Variants in SOX5 observed in about 807,000 individuals in gnomAD.
SOX5 encodes the protein SRY-box transcription factor 5.
SOX5 carries 9 observed loss-of-function variants against 92.0 expected under a neutral mutation model. The observed-to-expected ratio is 0.10, with a 90% CI of 0.06 to 0.17. The LOEUF is 0.17. SOX5 is among the 10% of genes least tolerant of loss of function. The pLI is 1.00. For missense variants in SOX5, 642 were observed against 944.5 expected (o/e 0.68, Z 4.20); for synonymous variants, 344 against 336.3 (o/e 1.02, Z -0.25).
At chr12:24,542,296 G>C (rs544163936) in intron 1 of SOX5, among the ~76,000 whole-genome samples, 13 of 152,236 alleles carry the variant, frequency 8.5e-5, no homozygotes, top group African/African-American at 2.6e-4. Context: ...TCTCCACCTA[G>C]TTGGCCCTTA....
chr12:24,249,836 C>G (rs1416437007), intron 3 of SOX5, among the ~76,000 whole-genome samples: 1 of 152,210 alleles, frequency 6.6e-6, no homozygotes, highest in East Asian at 1.9e-4. Flanking sequence ...ATATTTCACT[C>G]AATACTTTAA....
intron 2 of SOX5, among the ~76,000 whole-genome samples, chr12:24,330,333 GA>G (rs771989312): frequency 1.3e-5 from 2 of 152,004 alleles, no homozygotes; most frequent in Non-Finnish European, 2.9e-5. Flanking sequence ...ATACCTAAAA[GA>G]AATGTTCAAG....
chr12:24,206,345 T>C (rs1186732732), intron 4 of SOX5, among the ~76,000 whole-genome samples: 2 of 152,232 alleles, frequency 1.3e-5, no homozygotes, highest in Non-Finnish European at 2.9e-5. Context: ...AGACTGCTAA[T>C]GGCAGGGCGT....
chr12:24,337,367 GT>G (rs914740375), intron 2 of SOX5, among the ~76,000 whole-genome samples: 28 of 148,652 alleles, frequency 1.9e-4, no homozygotes, highest in African/African-American at 7.0e-4. Flanking sequence ...GAGAGAGAGA[GT>G]TTCACTCTGT....
At chr12:24,521,061 T>C (rs1033040395) in intron 1 of SOX5, among the ~76,000 whole-genome samples, 1 of 152,334 alleles carries the variant, frequency 6.6e-6, no homozygotes, top group Admixed American at 6.5e-5. Flanking sequence ...GTAGAATTTT[T>C]TTTTTCTTTG....
chr12:23,954,594 G>A (rs1161562662), upstream of SOX5, among the ~76,000 whole-genome samples: 1 of 151,884 alleles, frequency 6.6e-6, no homozygotes, highest in Admixed American at 6.6e-5. Flanking sequence ...TGTAATAGTG[G>A]ACTTCTTCAA....
chr12:23,996,258 A>T (rs1452032983), intron 4 of SOX5, among the ~76,000 whole-genome samples: 1 of 152,228 alleles, frequency 6.6e-6, no homozygotes, highest in Admixed American at 6.5e-5. Context: ...GTTATTAGTC[A>T]TTAGGGAAAT....
intron 1 of SOX5, among the ~76,000 whole-genome samples, chr12:24,523,681 T>C (rs1950447365): frequency 1.3e-5 from 2 of 152,148 alleles, no homozygotes; most frequent in African/African-American, 2.4e-5. Context: ...GAAAACTGGA[T>C]ATTCATAGGC....
intron 2 of SOX5, among the ~76,000 whole-genome samples, chr12:24,291,542 T>A (rs182722244): frequency 7.2e-5 from 11 of 152,218 alleles, no homozygotes; most frequent in African/African-American, 2.4e-4. Context: ...ATAAATCTGC[T>A]AATGTTCATC....
intron 1 of SOX5, among the ~76,000 whole-genome samples, chr12:24,475,887 C>T (rs971244865): frequency 4.6e-5 from 7 of 151,512 alleles, no homozygotes; most frequent in African/African-American, 1.5e-4. Context: ...GAAGCTGAGG[C>T]GGGAAGATCG....
At chr12:23,579,439 A>T (rs1172599865) in intron 9 of SOX5, among the ~76,000 whole-genome samples, 1 of 152,170 alleles carries the variant, frequency 6.6e-6, no homozygotes, top group Non-Finnish European at 1.5e-5. Context: ...TTGACCCATT[A>T]TATGATATTA....
At chr12:24,202,737 T>G (rs1455998375) in intron 4 of SOX5, among the ~76,000 whole-genome samples, 1 of 152,232 alleles carries the variant, frequency 6.6e-6, no homozygotes, top group Admixed American at 6.5e-5. Flanking sequence ...ATTCATGTTA[T>G]GCACTTTTGG....
At chr12:24,020,170 A>G (rs1005531080) in intron 4 of SOX5, among the ~76,000 whole-genome samples, 1 of 152,202 alleles carries the variant, frequency 6.6e-6, no homozygotes, top group Non-Finnish European at 1.5e-5. Flanking sequence ...ACCAAACTCT[A>G]TACAATATGT....
intron 8 of SOX5, among the ~76,000 whole-genome samples, chr12:23,630,841 T>A (rs7307704): frequency 6.6e-6 from 1 of 152,086 alleles, no homozygotes; most frequent in South Asian, 2.1e-4. Flanking sequence ...TATGTTATAC[T>A]GCCTCTCACT....
At chr12:23,703,653 T>G (rs551851075) in intron 6 of SOX5, among the ~76,000 whole-genome samples, 2 of 151,510 alleles carry the variant, frequency 1.3e-5, no homozygotes, top group South Asian at 4.2e-4. Context: ...CAGAATAAAT[T>G]AGGGATAGAC....
intron 4 of SOX5, among the ~76,000 whole-genome samples, chr12:24,053,543 T>C (rs1281037825): frequency 6.6e-6 from 1 of 152,228 alleles, no homozygotes; most frequent in Non-Finnish European, 1.5e-5. Context: ...GAAGAGATCC[T>C]TAACTTTGCC....
At chr12:23,619,517 C>T (rs918882169) in intron 8 of SOX5, among the ~76,000 whole-genome samples, 9 of 152,120 alleles carry the variant, frequency 5.9e-5, no homozygotes, top group African/African-American at 2.2e-4. Flanking sequence ...AACTCTTAGC[C>T]TATGTCTTAG....
At chr12:24,021,678 G>A (rs1954308656) in intron 4 of SOX5, among the ~76,000 whole-genome samples, 1 of 152,072 alleles carries the variant, frequency 6.6e-6, no homozygotes, top group Non-Finnish European at 1.5e-5. Flanking sequence ...GGTATCTTAC[G>A]ATAATGATGC....
chr12:24,483,668 T>C (rs1946226897), intron 1 of SOX5, among the ~76,000 whole-genome samples: 1 of 152,228 alleles, frequency 6.6e-6, no homozygotes, highest in African/African-American at 2.4e-5. Flanking sequence ...ATGGCATCAA[T>C]ACCCACCTTA....
Sources: gnomAD v4.1 joint callset for allele counts (sites outside exome capture counted in the v4.1 genomes callset) on GRCh38, gnomAD v4.1.1 for gene constraint, MANE v1.5 for transcripts, NCBI Gene and HGNC (gene_info 2026-07-23, HGNC 2026-07-21) for gene names.